FGF16: variants seen among roughly 807,000 people sequenced by gnomAD.
FGF16 encodes fibroblast growth factor 16.
A neutral mutation model predicts 8.5 loss-of-function variants in FGF16; 2 were observed. The ratio of observed to expected loss-of-function variants is 0.24; its 90% confidence interval spans 0.10 to 0.75. The LOEUF (loss-of-function observed/expected upper bound fraction) is 0.75. Among genes scored for constraint, FGF16 ranks in the 30% least tolerant of loss-of-function variants. The pLI, the probability that FGF16 is intolerant of heterozygous loss-of-function variation, is 0.74. For missense variants in FGF16, 79 were observed against 87.4 expected, an observed-to-expected ratio of 0.90 and a Z score of 0.38; for synonymous variants, 33 against 34.6, an observed-to-expected ratio of 0.95 and a Z score of 0.16.
rs782135458 is a variant in FGF16, at chrX:77,454,202, G to A, written c.320G>A (p.Arg107Gln). Residue 107 changes from arginine (R) to glutamine (Q), a missense_variant, in exon 2 of 3, where the codon CGG becomes CAG. Coordinates refer to ENST00000439435, the MANE Select transcript of FGF16 (RefSeq NM_003868.3). Reference sequence around the variant, plus strand: ...CTGGCTGTGGGGCTGATCAGCATCCGGGGAGTGGACTCTGGCCTGTACCTA... The same window carrying A: ...CTGGCTGTGGGGCTGATCAGCATCCAGGGAGTGGACTCTGGCCTGTACCTA... ...ISLAVGLISI[R>Q]GVDSGLYLGM... The A allele has an allele frequency of 2.3e-5, 27 of 1,198,877 alleles. No individual in the cohort carries two copies. The highest frequency in any genetic ancestry group is 2.3e-4 in the Middle Eastern group (1 of 4,347).
chrX:77,454,780 C>G (rs1175975017), intron 2 of FGF16, among the ~76,000 whole-genome samples: 2 of 104,124 alleles, frequency 1.9e-5, no homozygotes, highest in Non-Finnish European at 3.9e-5. Context: ...TTGGCCCCCA[C>G]CAAAACAAGC....
intron 1 of FGF16, among the ~76,000 whole-genome samples, 179 bp from the exon 2 acceptor site, chrX:77,453,978 C>T (rs782734288): frequency 2.6e-4 from 29 of 111,420 alleles, no homozygotes; most frequent in Non-Finnish European, 4.7e-4. Context: ...CCCAAAGAGA[C>T]TAAGTACCTT....
chrX:77,454,790 C>CTTTTT (rs782722552), intron 2 of FGF16, among the ~76,000 whole-genome samples: 10 of 81,156 alleles, frequency 1.2e-4, no homozygotes, highest in Non-Finnish European at 1.7e-4. Flanking sequence ...CCAAAACAAG[C>CTTTTT]TTTTTTTTTT....
intron 1 of FGF16, among the ~76,000 whole-genome samples, chrX:77,450,222 A>T (rs2062552979): frequency 8.9e-6 from 1 of 112,068 alleles, no homozygotes; most frequent in Non-Finnish European, 1.9e-5. Context: ...CTAGGGGGGA[A>T]GAGGTAGTCT....
chrX:77,450,750 T>C (rs1557026618), intron 1 of FGF16, among the ~76,000 whole-genome samples: 2 of 112,277 alleles, frequency 1.8e-5, no homozygotes, highest in African/African-American at 6.5e-5. Context: ...CAGATCAGTT[T>C]TGACTGAGGG....
intron 1 of FGF16, among the ~76,000 whole-genome samples, chrX:77,452,968 G>A (rs900572031): frequency 1.8e-5 from 2 of 110,902 alleles, no homozygotes; most frequent in East Asian, 2.8e-4. Flanking sequence ...TCCCAGCTAC[G>A]AGGGAGGCTG....
rs782499063 is a variant in FGF16, at chrX:77,456,497, C to T, written c.599C>T (p.Ser200Phe). The change falls in exon 3 of 3, where the codon TCC (serine) becomes TTC (phenylalanine). Residue 200 changes from serine (S) to phenylalanine (F), a missense_variant. By Grantham distance (155) the Ser-to-Phe change is radical (BLOSUM62 -2). Coordinates refer to ENST00000439435, the MANE Select transcript of FGF16 (RefSeq NM_003868.3). ...GATCCTTCTAAGTTGCCCTCCATGT[C>T]CAGAGACCTCTTTCACTATAGGTAA... ...PVDPSKLPSM[S>F]RDLFHYR 3.5e-5 allele frequency: 42 copies of T among 1,207,953 alleles called. 1 individual carries two copies. The highest frequency in any genetic ancestry group is 4.5e-5 in the Non-Finnish European group (40 of 893,677).
In FGF16 at chrX:77,456,343, T is replaced by C. The variant is rs868991516; in HGVS notation, c.445T>C (p.Ser149Pro). ...AGAAAACTGGTACAACACCTATGCC[T>C]CAACCTTGTACAAACATTCGGACTC... Reference protein sequence around the residue: ...FEENWYNTYASTLYKHSDSER... With the variant: ...FEENWYNTYAPTLYKHSDSER... Residue 149 changes from serine to proline, a missense_variant, in exon 3 of 3, where the codon TCA (serine) becomes CCA (proline). Transcript: ENST00000439435. 8.3e-7 allele frequency: 1 copy of C among 1,209,624 alleles called. No individual in the cohort carries two copies. The highest frequency in any genetic ancestry group is 1.1e-6 in the Non-Finnish European group (1 of 893,454).
In FGF16 at chrX:77,447,977, C is replaced by A. The variant is rs1001398725; in HGVS notation, c.274+29C>A. On this transcript the variant is annotated intron_variant, in intron 1 of 2. Transcript: ENST00000439435. ...AGGACGCGGTCGGGGGAACGGGAGG[C>A]GGGCGGACGGCGCACTGGGGAGCCC... 4.0e-4 allele frequency: 118 copies of A among 296,917 alleles called. No individual in the cohort carries two copies. The East Asian group carries it at 4.4e-3, about 11-fold the overall frequency. 24.5% of individuals were successfully genotyped at this position (296,917 alleles called of 1,213,427 possible).
intron 2 of FGF16, 30 bp downstream of exon 2, chrX:77,454,290 T>TG (rs2147427247): frequency 1.2e-6 from 1 of 819,515 alleles, no homozygotes; most frequent in Non-Finnish European, 1.7e-6. Context: ...TTTTTTTTTT[T>TG]TTTTTTTTTT....
intron 1 of FGF16, among the ~76,000 whole-genome samples, chrX:77,449,680 C>T (rs1229777924): frequency 9.0e-6 from 1 of 111,540 alleles, no homozygotes; most frequent in African/African-American, 3.3e-5. Context: ...CAGTAATAGG[C>T]TCTTGGGATA....
intron 1 of FGF16, among the ~76,000 whole-genome samples, chrX:77,453,867 G>A (rs2062564379): frequency 1.8e-5 from 2 of 111,922 alleles, no homozygotes; most frequent in Admixed American, 1.9e-4. Flanking sequence ...TGGAGCTTTT[G>A]TAGCCAAAGC....
chrX:77,447,638 C>A lies in FGF16; in HGVS notation c.-37C>A, dbSNP rs1037172919. ...CCCCGTGGCCCCGGCTCGGCCCGCG[C>A]GCGCCCAGCACAACCAGCGCCGCAA... On this transcript the variant is annotated 5_prime_UTR_variant, in exon 1 of 3. Transcript: ENST00000439435. 2 of 295,949 alleles carry A rather than the reference C, an allele frequency of 6.8e-6. No homozygotes were observed. The highest frequency in any genetic ancestry group is 2.7e-5 in the African/African-American group (1 of 36,633). The allele number at this position is 295,949 out of a possible 1,213,427, so 24.4% of individuals were successfully genotyped here.
chrX:77,448,576 G>A (rs1390822289), intron 1 of FGF16, among the ~76,000 whole-genome samples: 1 of 111,514 alleles, frequency 9.0e-6, no homozygotes, highest in Non-Finnish European at 1.9e-5. Context: ...AGCTTTTGCC[G>A]GAAACTACCT....
intron 1 of FGF16, among the ~76,000 whole-genome samples, chrX:77,453,940 C>T (rs1278868271): frequency 9.0e-6 from 1 of 111,179 alleles, no homozygotes; most frequent in Non-Finnish European, 1.9e-5. Flanking sequence ...AGATGGTGTC[C>T]CCCGTTTTAC....
At chrX:77,452,347 T>C (rs2062559550) in intron 1 of FGF16, among the ~76,000 whole-genome samples, 1 of 112,755 alleles carries the variant, frequency 8.9e-6, no homozygotes, top group South Asian at 3.7e-4. Flanking sequence ...CAGCTGAAGA[T>C]TTGGTTGCAT....
intron 1 of FGF16, among the ~76,000 whole-genome samples, chrX:77,452,002 A>G (rs989810524): frequency 2.7e-5 from 3 of 112,409 alleles, no homozygotes; most frequent in Non-Finnish European, 5.6e-5. Flanking sequence ...CCTTGCACAG[A>G]CCAACTATGT....
chrX:77,447,594 C>A lies in FGF16; in HGVS notation c.-81C>A, dbSNP rs2062545072. 3.4e-6 allele frequency: 1 copy of A among 294,091 alleles called. No homozygotes were observed. Among genetic ancestry groups the A allele is most frequent in the East Asian group, 4.8e-5 (1 of 20,788 alleles). 24.2% of individuals were successfully genotyped at this position (294,091 alleles called of 1,213,427 possible). ...GCCGCCGAACCGCCCGCGCCCGCTGCGGGGAGAGGCAGTTCGCGCCCCGTG... is the reference window on the plus strand; with the variant it reads ...GCCGCCGAACCGCCCGCGCCCGCTGAGGGGAGAGGCAGTTCGCGCCCCGTG... On this transcript the variant is annotated 5_prime_UTR_variant, in exon 1 of 3. Coordinates refer to ENST00000439435, the MANE Select transcript of FGF16 (RefSeq NM_003868.3).
intron 1 of FGF16, among the ~76,000 whole-genome samples, chrX:77,453,878 C>T (rs1283764969): frequency 8.9e-6 from 1 of 111,940 alleles, no homozygotes; most frequent in Non-Finnish European, 1.9e-5. Flanking sequence ...TAGCCAAAGC[C>T]TTCTCATGGT....
Sources: allele counts gnomAD v4.1 joint callset (sites outside exome capture counted in the v4.1 genomes callset), GRCh38; gene constraint gnomAD v4.1.1; transcripts MANE v1.5; gene names NCBI Gene and HGNC (gene_info 2026-07-23, HGNC 2026-07-21).